Variants in DPH6 observed in about 807,000 individuals in gnomAD.
The protein encoded by DPH6 is diphthine--ammonia ligase.
DPH6 carries 33 observed loss-of-function variants against 38.2 expected under a neutral mutation model. That is an observed-to-expected ratio of 0.86 (90% CI 0.65 to 1.15). DPH6 has a LOEUF of 1.15. Among genes scored for constraint, DPH6 ranks in the 50% most tolerant of loss-of-function variants. The pLI is 0.00. For synonymous variants in DPH6, 108 were observed against 103.0 expected, an observed-to-expected ratio of 1.05 and a Z score of -0.30; for missense variants, 325 against 320.0, an observed-to-expected ratio of 1.02 and a Z score of -0.12.
intron 3 of DPH6, among the ~76,000 whole-genome samples, chr15:35,527,562 G>A (rs2055022943): frequency 6.6e-6 from 1 of 152,124 alleles, no homozygotes; most frequent in Non-Finnish European, 1.5e-5. Flanking sequence ...GAGTTAAAAT[G>A]TGACATGAGG....
the DPH6 span, among the ~76,000 whole-genome samples, chr15:35,149,761 T>C: frequency 2.0e-5 from 3 of 152,218 alleles, no homozygotes; most frequent in African/African-American, 4.8e-5. Context: ...TAATGAACAA[T>C]TAATCAGTTA....
intron 3 of DPH6, among the ~76,000 whole-genome samples, chr15:35,506,150 G>C (rs1315871202): frequency 6.6e-6 from 1 of 151,780 alleles, no homozygotes; most frequent in African/African-American, 2.4e-5. Flanking sequence ...ATCTTATTTA[G>C]GAACCATGGC....
At chr15:35,352,156 T>C (rs1414163908) in intron 3 of DPH6, among the ~76,000 whole-genome samples, 1 of 152,190 alleles carries the variant, frequency 6.6e-6, no homozygotes, top group Non-Finnish European at 1.5e-5. Context: ...TTTTCTGAGT[T>C]TGTCTTTATG....
At chr15:35,244,847 C>T (rs1374350440) in intron 3 of DPH6, among the ~76,000 whole-genome samples, 1 of 152,116 alleles carries the variant, frequency 6.6e-6, no homozygotes, top group African/African-American at 2.4e-5. Context: ...AGCCTACGAG[C>T]TTGGTAAGTC....
rs1362597838 is a variant in DPH6 at position 35,543,258 on chromosome 15, TAATATATATATATATATATATATATA to T, written c.24-777_24-752del. Among the ~76,000 whole-genome samples, 217 of 92,628 alleles carry T rather than the reference TAATATATATATATATATATATATATA, an allele frequency of 2.3e-3. 3 individuals are homozygous for T. Among genetic ancestry groups the T allele is most frequent in the East Asian group, 0.013 (40 of 3,146 alleles). The allele number at this position is 92,628 out of a possible 152,430, so 60.8% of individuals were successfully genotyped here. ...CATACATATAGTACACACATACACA[TAATATATATATATATATATATATATA>T]TATATATATATATATATATGATGGC... On this transcript the variant is annotated intron_variant, in intron 1 of 8. Coordinates refer to ENST00000256538, the MANE Select transcript of DPH6 (RefSeq NM_080650.4).
chr15:35,334,943 G>C (rs1443004940), intron 3 of DPH6, among the ~76,000 whole-genome samples: 2 of 152,072 alleles, frequency 1.3e-5, no homozygotes, highest in African/African-American at 4.8e-5. Context: ...GGGTCAAATG[G>C]TATTTCTGCC....
At chr15:35,492,489 T>G (rs768802479) in intron 3 of DPH6, among the ~76,000 whole-genome samples, 1 of 152,170 alleles carries the variant, frequency 6.6e-6, no homozygotes, top group Non-Finnish European at 1.5e-5. Context: ...AAAGCTTCAC[T>G]GGTAATTGGT....
chr15:35,500,643 C>T (rs996523983), intron 3 of DPH6, among the ~76,000 whole-genome samples: 1 of 152,138 alleles, frequency 6.6e-6, no homozygotes, highest in Non-Finnish European at 1.5e-5. Flanking sequence ...AACAGGGCTA[C>T]CCAAATATGG....
At chr15:35,331,993 C>T (rs1381670240) in intron 3 of DPH6, among the ~76,000 whole-genome samples, 1 of 152,150 alleles carries the variant, frequency 6.6e-6, no homozygotes, top group African/African-American at 2.4e-5. Context: ...TTTGGCACCA[C>T]TGTAGCTGCA....
exon 4 of DPH6, chr15:35,219,253 A>G (rs2051428065): frequency 6.6e-6 from 1 of 152,320 alleles, no homozygotes; most frequent in Non-Finnish European, 1.5e-5. Context: ...TTTACAATGC[A>G]TAATATCTGA....
intron 3 of DPH6, among the ~76,000 whole-genome samples, chr15:35,225,348 T>C (rs1331223595): frequency 6.6e-6 from 1 of 152,268 alleles, no homozygotes; most frequent in Non-Finnish European, 1.5e-5. Context: ...TTGTTTACTA[T>C]AAAGATGTTA....
At chr15:35,375,322 T>C (rs957644692) in intron 7 of DPH6, among the ~76,000 whole-genome samples, 5 of 152,102 alleles carry the variant, frequency 3.3e-5, no homozygotes, top group Non-Finnish European at 2.9e-5. Flanking sequence ...AAATTCATAA[T>C]TTCTAATTGA....
chr15:35,224,450 A>G (rs2051466002), intron 3 of DPH6, among the ~76,000 whole-genome samples: 1 of 152,116 alleles, frequency 6.6e-6, no homozygotes, highest in African/African-American at 2.4e-5. Context: ...GATGTACTAA[A>G]GTTTGTTCAT....
chr15:35,435,855 G>A (rs2053692470), intron 5 of DPH6, among the ~76,000 whole-genome samples: 1 of 152,048 alleles, frequency 6.6e-6, no homozygotes, highest in African/African-American at 2.4e-5. Context: ...TCTTCTGAGG[G>A]TAGAGGAAAC....
chr15:35,540,620 T>C (rs1272244219), intron 2 of DPH6, among the ~76,000 whole-genome samples: 1 of 152,130 alleles, frequency 6.6e-6, no homozygotes, highest in East Asian at 1.9e-4. Flanking sequence ...GGCTTTTTAC[T>C]TCAGAATATT....
intron 6 of DPH6, among the ~76,000 whole-genome samples, chr15:35,388,384 T>C (rs1476121659): frequency 6.6e-6 from 1 of 152,254 alleles, no homozygotes; most frequent in Non-Finnish European, 1.5e-5. Flanking sequence ...ATTTCCTCTT[T>C]TTCTATTGAT....
intron 3 of DPH6, among the ~76,000 whole-genome samples, chr15:35,483,043 A>G (rs903951414): frequency 3.9e-5 from 6 of 152,146 alleles, no homozygotes; most frequent in African/African-American, 1.4e-4. Flanking sequence ...TAACAACCGA[A>G]TAAGAATATA....
intron 3 of DPH6, among the ~76,000 whole-genome samples, chr15:35,533,249 C>T (rs1054658684): frequency 5.9e-5 from 9 of 152,160 alleles, no homozygotes; most frequent in Non-Finnish European, 1.0e-4. Context: ...ATTCACCCTT[C>T]CTTTACTCCT....
chr15:35,385,092 G>A (rs2052931483), intron 6 of DPH6, among the ~76,000 whole-genome samples: 2 of 152,186 alleles, frequency 1.3e-5, no homozygotes, highest in South Asian at 4.1e-4. Flanking sequence ...CAGTTAGATT[G>A]GCGATCATTA....
Sources: gnomAD v4.1 joint callset for allele counts (sites outside exome capture counted in the v4.1 genomes callset) on GRCh38, gnomAD v4.1.1 for gene constraint, MANE v1.5 for transcripts, NCBI Gene and HGNC (gene_info 2026-07-23, HGNC 2026-07-21) for gene names.